Variants in OTOGL observed in about 807,000 individuals in gnomAD.
OTOGL encodes the protein otogelin like.
In OTOGL, 285 loss-of-function variants were observed where a neutral mutation model predicts 318.5. That is an observed-to-expected ratio of 0.89 (90% CI 0.81 to 0.99). The LOEUF (loss-of-function observed/expected upper bound fraction) is 0.99, where lower values mean the gene tolerates loss of function less well. Ranked by LOEUF, OTOGL falls within the 50% of genes least tolerant of loss-of-function variation. OTOGL has a pLI of 0.00. For missense variants in OTOGL, 2,899 were observed against 2,845.6 expected (o/e 1.02, Z -0.43); for synonymous variants, 987 against 936.5 (o/e 1.05, Z -0.99).
rs1009582682 is a variant in OTOGL, at chr12:80,320,505, C to A, written c.3886C>A (p.Leu1296Met). The A allele has an allele frequency of 6.2e-7, 1 of 1,613,614 alleles. No homozygotes were observed. Residue 1296 changes from leucine (L) to methionine (M), a missense_variant, in exon 34 of 59, where the codon CTG becomes ATG. Leu to Met is a conservative substitution (Grantham distance 15). Coordinates refer to ENST00000547103, the MANE Select transcript of OTOGL (RefSeq NM_001378609.3). ...TGACAATGATACTCTTAGCTTGGAG[C>A]TGTGGGAGGCGAATTCAGCCTTTCA... ...VHDNDTLSLE[L>M]WEANSAFHRR...
chr12:80,207,541 A>G (rs140848567), intron 1 of OTOGL, among the ~76,000 whole-genome samples: 12 of 152,168 alleles, frequency 7.9e-5, no homozygotes, highest in African/African-American at 2.4e-4. Context: ...GCAAAAAGTC[A>G]AACAGTTACT....
chr12:80,342,835 A>C (rs1304286170), intron 44 of OTOGL, among the ~76,000 whole-genome samples: 1 of 152,156 alleles, frequency 6.6e-6, no homozygotes, highest in East Asian at 1.9e-4. Flanking sequence ...TTATAGAGGT[A>C]CACAGGATCC....
At position 80,378,424 on chromosome 12, in the gene OTOGL, T is replaced by C. The variant is rs17006702; in HGVS notation, c.*376T>C. The C allele has an allele frequency of 0.013, 2,348 of 174,858 alleles. 151 individuals are homozygous for C. The highest frequency in any genetic ancestry group is 0.097 in the Admixed American group (1,784 of 18,366). 10.8% of individuals were successfully genotyped at this position (174,858 alleles called of 1,614,324 possible). A position where few individuals can be genotyped will look rare whatever the true frequency, so the allele number is the denominator to read the frequency against. On this transcript the variant is annotated 3_prime_UTR_variant, in exon 59 of 59. Coordinates refer to ENST00000547103, the MANE Select transcript of OTOGL (RefSeq NM_001378609.3). ...CAAAGTCTGCTATAGCTATCCAAAT[T>C]AAGGTACCCTTTAATATGTACTCCT...
chr12:80,181,066 C>A (rs1304342126), intron 1 of OTOGL, among the ~76,000 whole-genome samples: 1 of 152,166 alleles, frequency 6.6e-6, no homozygotes, highest in African/African-American at 2.4e-5. Flanking sequence ...TCAAATTTAG[C>A]AGTATGTCCA....
At chr12:80,331,910 C>G (rs1355758710) in intron 37 of OTOGL, among the ~76,000 whole-genome samples, 2 of 151,734 alleles carry the variant, frequency 1.3e-5, no homozygotes, top group East Asian at 3.9e-4. Flanking sequence ...ACAATAGAAT[C>G]AGAGGAAAGA....
intron 44 of OTOGL, among the ~76,000 whole-genome samples, chr12:80,347,831 A>C (rs1294819573): frequency 2.0e-5 from 3 of 152,072 alleles, no homozygotes; most frequent in African/African-American, 7.2e-5. Flanking sequence ...GTGAGATGGT[A>C]TCTCATTGTG....
At chr12:80,224,062 G>A (rs540557466) in intron 7 of OTOGL, among the ~76,000 whole-genome samples, 5 of 152,164 alleles carry the variant, frequency 3.3e-5, no homozygotes, top group South Asian at 2.1e-4. Context: ...ATGGTTTCAC[G>A]TCTAGATTTA....
intron 6 of OTOGL, among the ~76,000 whole-genome samples, chr12:80,220,964 A>C (rs547154082): frequency 6.6e-6 from 1 of 152,324 alleles, no homozygotes; most frequent in South Asian, 2.1e-4. Flanking sequence ...ACAGTTGTCC[A>C]AGGCTAATAA....
At chr12:80,328,869 T>C in intron 36 of OTOGL, 125 bp downstream of exon 36, 1 of 1,066,288 alleles carries the variant, frequency 9.4e-7, no homozygotes, top group South Asian at 1.5e-5. Context: ...TATTCTTCAA[T>C]GTCTCTTACA....
At chr12:80,343,759 T>C (rs998766981) in intron 44 of OTOGL, 17 of 152,120 alleles carry the variant, frequency 1.1e-4, no homozygotes, top group African/African-American at 3.9e-4. Context: ...GTCAGTAGGA[T>C]GACAGATGTC....
At chr12:80,181,228 G>T (rs1874898026) in intron 1 of OTOGL, among the ~76,000 whole-genome samples, 1 of 151,972 alleles carries the variant, frequency 6.6e-6, no homozygotes, top group Admixed American at 6.6e-5. Flanking sequence ...AATTATTTTA[G>T]TTTGGGGCTT....
chr12:80,218,878 T>TCACCA (rs1878007187), intron 5 of OTOGL, among the ~76,000 whole-genome samples: 1 of 145,092 alleles, frequency 6.9e-6, no homozygotes, highest in Non-Finnish European at 1.5e-5. Context: ...CACTGCAACT[T>TCACCA]CTGCCTCCTG....
intron 26 of OTOGL, among the ~76,000 whole-genome samples, chr12:80,296,096 C>T (rs1220633201): frequency 6.6e-6 from 1 of 152,162 alleles, no homozygotes; most frequent in Admixed American, 6.5e-5. Flanking sequence ...TAGGGATTCC[C>T]TATCATCTAA....
rs755922654 is a variant in OTOGL at position 80,313,585 on chromosome 12, G to T, written c.3560G>T (p.Cys1187Phe). ...CTSIAAYAYK[C>F]CQEGISIHWR... Reference sequence around the variant, plus strand: ...AGTATAGCTGCATATGCATACAAGTGTTGTCAGGAAGGAATATCAATTCAT... The same window carrying T: ...AGTATAGCTGCATATGCATACAAGTTTTGTCAGGAAGGAATATCAATTCAT... Residue 1187 changes from cysteine to phenylalanine, a missense_variant, in exon 31 of 59, where the codon TGT (cysteine) becomes TTT (phenylalanine). By Grantham distance (205) the Cys-to-Phe change is radical (BLOSUM62 -2). Coordinates refer to ENST00000547103, the MANE Select transcript of OTOGL (RefSeq NM_001378609.3). 6.2e-7 allele frequency: 1 copy of T among 1,612,648 alleles called. No homozygotes were observed. Among genetic ancestry groups the T allele is most frequent in the Non-Finnish European group, 8.5e-7 (1 of 1,179,088 alleles).
intron 1 of OTOGL, among the ~76,000 whole-genome samples, chr12:80,192,689 T>C (rs1167385911): frequency 3.3e-5 from 5 of 152,256 alleles, no homozygotes; most frequent in Admixed American, 6.5e-5. Context: ...AAATGCTGTG[T>C]AATTCTAAGT....
At chr12:80,250,842 C>G (rs1881478878) in intron 11 of OTOGL, among the ~76,000 whole-genome samples, 1 of 152,140 alleles carries the variant, frequency 6.6e-6, no homozygotes, top group Non-Finnish European at 1.5e-5. Context: ...AGCCCTCTAC[C>G]TTGGTGTAAA....
chr12:80,215,928 G>A (rs1877673741), intron 4 of OTOGL, among the ~76,000 whole-genome samples: 1 of 152,160 alleles, frequency 6.6e-6, no homozygotes, highest in Admixed American at 6.6e-5. Flanking sequence ...GATAAGACCT[G>A]GGAGTATTGA....
rs560348536 is a variant in OTOGL, at chr12:80,132,766, G to A, written c.-20+33161G>A. On this transcript the variant is annotated intron_variant, in intron 1 of 58. Transcript: ENST00000547103. ...GTAAAGATTGTCTGCTGATCACTTGGGCCACAACACTTTTCAAGACCAGGT... is the reference window on the plus strand; with the variant it reads ...GTAAAGATTGTCTGCTGATCACTTGAGCCACAACACTTTTCAAGACCAGGT... The A allele has an allele frequency of 2.6e-5, 4 of 152,164 alleles. No individual in the cohort carries two copies. The East Asian group carries it at 5.8e-4, about 22-fold the overall frequency. 9.4% of individuals were successfully genotyped at this position (152,164 alleles called of 1,614,324 possible).
At chr12:80,195,406 C>G (rs1875987329) in intron 1 of OTOGL, among the ~76,000 whole-genome samples, 1 of 152,090 alleles carries the variant, frequency 6.6e-6, no homozygotes, top group South Asian at 2.1e-4. Context: ...AGAATGATTA[C>G]TTTATGGAAT....
Sources: gnomAD v4.1 joint callset for allele counts (sites outside exome capture counted in the v4.1 genomes callset) on GRCh38, gnomAD v4.1.1 for gene constraint, MANE v1.5 for transcripts, NCBI Gene and HGNC (gene_info 2026-07-23, HGNC 2026-07-21) for gene names.